Variants in SIDT2 observed in about 807,000 individuals in gnomAD.
SIDT2 encodes SID1 transmembrane family member 2.
A neutral mutation model predicts 114.4 loss-of-function variants in SIDT2; 68 were observed. The observed-to-expected ratio is 0.59, with a 90% CI of 0.49 to 0.73. SIDT2 has a LOEUF of 0.73. SIDT2 is among the 30% of genes least tolerant of loss of function. The pLI, the probability that SIDT2 is intolerant of heterozygous loss-of-function variation, is 0.00. For missense variants in SIDT2, 918 were observed against 1,097.1 expected (o/e 0.84, Z 2.31); for synonymous variants, 470 against 438.4 (o/e 1.07, Z -0.90).
chr11:117,196,025 G>C lies in SIDT2; in HGVS notation c.2458G>C (p.Asp820His). ...CCAGGTGTTGCTGACACTGGATGAC[G>C]ACCTGGATACTGTGCAGCGGGACAA... Reference protein sequence around the residue: ...SFLVLLTLDDDLDTVQRDKIY... With the variant: ...SFLVLLTLDDHLDTVQRDKIY... Residue 820 changes from aspartate to histidine, a missense_variant, in exon 26 of 26, where the codon GAC (aspartate) becomes CAC (histidine). Coordinates refer to ENST00000324225, the MANE Select transcript of SIDT2 (RefSeq NM_001040455.2). This position sits in a 1 kb window ranked among gnomAD's most constrained non-coding sequence, Gnocchi z 4.9. 6.2e-7 allele frequency: 1 copy of C among 1,614,224 alleles called. No homozygotes were observed. The highest frequency in any genetic ancestry group is 8.5e-7 in the Non-Finnish European group (1 of 1,180,042).
rs2030643535 is a variant in SIDT2, at chr11:117,190,063, G to A, written c.1493+38G>A. 1 of 1,613,988 alleles carries A rather than the reference G, an allele frequency of 6.2e-7. No individual in the cohort carries two copies. The highest frequency in any genetic ancestry group is 1.7e-5 in the Admixed American group (1 of 60,004). ...CTGGGAGGCCCCTTGTCCAGGCCAA[G>A]GGTGAAATGGGGCAGGGCCTGGGGC... On this transcript the variant is annotated intron_variant, in intron 16 of 25. Coordinates refer to ENST00000324225, the MANE Select transcript of SIDT2 (RefSeq NM_001040455.2). This position sits in a 1 kb window ranked among gnomAD's most constrained non-coding sequence, Gnocchi z 4.1.
At position 117,190,258 on chromosome 11, in the gene SIDT2, G is replaced by C; in HGVS notation, c.1586G>C (p.Arg529Pro). The C allele has an allele frequency of 6.4e-7, 1 of 1,563,528 alleles. No homozygotes were observed. The highest frequency in any genetic ancestry group is 8.7e-7 in the Non-Finnish European group (1 of 1,155,824). The change falls in exon 17 of 26, where the codon CGG becomes CCG. Residue 529 changes from arginine (R) to proline (P), a missense_variant. Arg to Pro is a moderately radical substitution (Grantham distance 103). Transcript: ENST00000324225. This position sits in a 1 kb window ranked among gnomAD's most constrained non-coding sequence, Gnocchi z 4.1. Reference sequence around the variant, plus strand: ...CTGCAACGGGAGATCAACCACAACCGGGCCCTGCTGCGCAATGACCTCTGT... The same window carrying C: ...CTGCAACGGGAGATCAACCACAACCCGGCCCTGCTGCGCAATGACCTCTGT... ...IILQREINHN[R>P]ALLRNDLCAL...
intron 24 of SIDT2, chr11:117,194,214 C>G (rs923984650): frequency 2.5e-5 from 9 of 364,910 alleles, no homozygotes; most frequent in African/African-American, 1.9e-4. Context: ...ACCTCGGAAG[C>G]GGAGGCAAGA....
chr11:117,182,431 C>A, intron 4 of SIDT2, 88 bp from the exon 5 acceptor site: 1 of 1,205,382 alleles, frequency 8.3e-7, no homozygotes, highest in Non-Finnish European at 1.2e-6. Flanking sequence ...GATTCTGGGT[C>A]CTCGCTTATA....
chr11:117,196,043 C>T lies in SIDT2; in HGVS notation c.2476C>T (p.Arg826Trp), dbSNP rs775924034. ...GGATGACGACCTGGATACTGTGCAG[C>T]GGGACAAGATCTATGTCTTCTAGCA... is the stretch of plus-strand genomic sequence containing the variant. ...TLDDDLDTVQ[R>W]DKIYVF Residue 826 changes from arginine to tryptophan, a missense_variant, in exon 26 of 26, where the codon CGG (arginine) becomes TGG (tryptophan). This residue lies in a region of SIDT2 where 275 missense variants were observed against 397.6 expected (regional missense o/e 0.69). Coordinates refer to ENST00000324225, the MANE Select transcript of SIDT2 (RefSeq NM_001040455.2). This position sits in a 1 kb window ranked among gnomAD's most constrained non-coding sequence, Gnocchi z 4.9. The T allele has an allele frequency of 2.9e-5, 47 of 1,614,108 alleles. No homozygotes were observed. The highest frequency in any genetic ancestry group is 3.6e-5 in the Non-Finnish European group (42 of 1,180,054).
intron 8 of SIDT2, 84 bp downstream of exon 8, chr11:117,184,223 A>G: frequency 1.5e-6 from 2 of 1,366,444 alleles, no homozygotes; most frequent in African/African-American, 2.9e-5. Flanking sequence ...TGTGCCCTGA[A>G]GTGGGTGATG....
Position 117,190,397 on chromosome 11 carries a change from T to C in SIDT2, c.1617+108T>C. ...GGCCTGGCCCTGCCTTCCCCAGCTC[T>C]CCCCTCCCCAGTTCTGTCTGGCCCA... On this transcript the variant is annotated intron_variant, in intron 17 of 25. Transcript: ENST00000324225. This position sits in a 1 kb window ranked among gnomAD's most constrained non-coding sequence, Gnocchi z 4.1. The C allele has an allele frequency of 6.8e-7, 1 of 1,476,912 alleles. No homozygotes were observed. The highest frequency in any genetic ancestry group is 9.0e-7 in the Non-Finnish European group (1 of 1,111,586). 91.5% of individuals were successfully genotyped at this position (1,476,912 alleles called of 1,614,324 possible).
chr11:117,182,800 C>T lies in SIDT2; in HGVS notation c.696C>T (p.Thr232=), dbSNP rs367625170. Residue 232 remains threonine, a synonymous_variant, in exon 6 of 26, where the codon ACC becomes ACT. Transcript: ENST00000324225. ...YQTMTKKAAI[T]VQRKDFPSNS... is the part of the protein sequence containing the mutation. ...CGATGACCAAGAAGGCGGCCATCAC[C>T]GTACAGGTAGGAAATGCATGTGGCC... The T allele has an allele frequency of 1.7e-5, 27 of 1,613,652 alleles. No individual in the cohort carries two copies. Among genetic ancestry groups the T allele is most frequent in the South Asian group, 3.3e-5 (3 of 90,978 alleles).
chr11:117,193,004 TTCTC>T, intron 22 of SIDT2, 138 bp downstream of exon 22: 1 of 1,349,696 alleles, frequency 7.4e-7, no homozygotes, highest in Non-Finnish European at 1.1e-6. Context: ...TTGGCCTCTC[TTCTC>T]TCTCTTGGCA....
chr11:117,186,547 G>T, intron 9 of SIDT2, 37 bp from the exon 10 acceptor site: 1 of 1,532,976 alleles, frequency 6.5e-7, no homozygotes, highest in Non-Finnish European at 8.7e-7. Flanking sequence ...TCCTTGTCCT[G>T]TCCCATCTGG....
rs373040766 is a variant in SIDT2 at position 117,191,958 on chromosome 11, G to A, written c.1816G>A (p.Ala606Thr). ...QKRHPDINAS[A>T]YSAYACLAIV... The stretch of plus-strand genomic sequence containing the variant: ...GCGGCACCCGGACATCAACGCCAGC[G>A]CCTACAGTGCCTACGCCTGCCTGGC... Residue 606 changes from alanine to threonine, a missense_variant, in exon 19 of 26, where the codon GCC becomes ACC. Transcript: ENST00000324225. 4.3e-6 allele frequency: 7 copies of A among 1,614,006 alleles called. No individual in the cohort carries two copies. Among genetic ancestry groups the A allele is most frequent in the South Asian group, 2.2e-5 (2 of 91,074 alleles).
chr11:117,181,663 G>A (rs2030290557), intron 2 of SIDT2, 126 bp downstream of exon 2: 16 of 1,570,630 alleles, frequency 1.0e-5, no homozygotes, highest in Non-Finnish European at 1.3e-5. Flanking sequence ...AACAGCACAA[G>A]GGCCGAGTCC....
Position 117,189,401 on chromosome 11 carries a change from G to A in SIDT2, c.1419G>A (p.Thr473=), listed in dbSNP as rs761675835. 3.7e-6 allele frequency: 6 copies of A among 1,613,896 alleles called. No individual in the cohort carries two copies. The highest frequency in any genetic ancestry group is 1.3e-5 in the African/African-American group (1 of 75,006). ...TGCAGCTGGTGATCACCTACCAGACGGTGAGAGGGCAGGGCAGGTTCACCT... is the reference window on the plus strand; with the variant it reads ...TGCAGCTGGTGATCACCTACCAGACAGTGAGAGGGCAGGGCAGGTTCACCT... ...PVVQLVITYQ[T]VVNVTGNQDI... Residue 473 remains threonine (T), a splice_region_variant and synonymous_variant, in exon 15 of 26, where the codon ACG becomes ACA. Coordinates refer to ENST00000324225, the MANE Select transcript of SIDT2 (RefSeq NM_001040455.2).
At position 117,186,585 on chromosome 11, in the gene SIDT2, C is replaced by T; in HGVS notation, c.964C>T (p.Gln322Ter). The T allele has an allele frequency of 6.4e-7, 1 of 1,562,808 alleles. No homozygotes were observed. Among genetic ancestry groups the T allele is most frequent in the Non-Finnish European group, 8.6e-7 (1 of 1,158,780 alleles). Residue 322 changes from glutamine (Q) to a stop codon, truncating the protein, a stop_gained and splice_region_variant, in exon 10 of 26, where the codon CAG becomes TAG. Transcript: ENST00000324225. LOFTEE classifies it high-confidence loss of function. ...VLLACWENWR[Q>*]KKKTLLVAID... ...GGCCTGTGGGTTCTGTCCATGCAGG[C>T]AGAAGAAGAAGACCCTGCTGGTGGC...
chr11:117,188,707 G>C lies in SIDT2; in HGVS notation c.1160-1G>C, dbSNP rs1591769526. Reference sequence around the variant, plus strand: ...AACCCCTCCCTCCCTGCCCTTTCCAGGCCGCTCCTTTGAACCTGTAGGTAC... The same window carrying C: ...AACCCCTCCCTCCCTGCCCTTTCCACGCCGCTCCTTTGAACCTGTAGGTAC... On this transcript the variant is annotated splice_acceptor_variant, in intron 12 of 25. Transcript: ENST00000324225. LOFTEE classifies it high-confidence loss of function. This position sits in a 1 kb window ranked among gnomAD's most constrained non-coding sequence, Gnocchi z 4.0. The C allele has an allele frequency of 6.2e-7, 1 of 1,613,714 alleles. No homozygotes were observed. The highest frequency in any genetic ancestry group is 8.5e-7 in the Non-Finnish European group (1 of 1,179,626).
At chr11:117,181,368 T>C (rs371374527) in intron 1 of SIDT2, 48 bp from the exon 2 acceptor site, 2 of 1,609,870 alleles carry the variant, frequency 1.2e-6, no homozygotes, top group Non-Finnish European at 1.7e-6. Flanking sequence ...TGGAGCCACG[T>C]GTCCCTGGTG....
At position 117,191,862 on chromosome 11, in the gene SIDT2, G is replaced by A. The variant is rs774878472; in HGVS notation, c.1736-16G>A. 63 of 1,612,190 alleles carry A rather than the reference G, an allele frequency of 3.9e-5. No individual in the cohort carries two copies. Among genetic ancestry groups the A allele is most frequent in the Non-Finnish European group, 5.3e-5 (62 of 1,178,804 alleles). ...GTGGCCATTTCTGCAGCTCCCTTCC[G>A]TGTCCCTCATCCTAGACACATCGTT... On this transcript the variant is annotated splice_polypyrimidine_tract_variant and intron_variant, in intron 18 of 25. Transcript: ENST00000324225.
At position 117,197,399 on chromosome 11, in the gene SIDT2, C is replaced by T. The variant is rs1479682275; in HGVS notation, c.*1333C>T. The T allele has an allele frequency of 2.0e-5, 3 of 152,620 alleles. No homozygotes were observed. Among genetic ancestry groups the T allele is most frequent in the Admixed American group, 6.6e-5 (1 of 15,266 alleles). 9.5% of individuals were successfully genotyped at this position (152,620 alleles called of 1,614,324 possible). A position where few individuals can be genotyped will look rare whatever the true frequency, so the allele number is the denominator to read the frequency against. ...CGTCTCCATGCTATGGTTGCATTTC[C>T]GTTTTCTATGAATGAATTTGCATTC... On this transcript the variant is annotated 3_prime_UTR_variant, in exon 26 of 26. Transcript: ENST00000324225.
chr11:117,182,881 C>A, intron 6 of SIDT2, 75 bp downstream of exon 6: 1 of 1,481,444 alleles, frequency 6.8e-7, no homozygotes. Context: ...TTGAGCTCTT[C>A]TTCCTCTGCC....
Sources: gnomAD v4.1 joint callset for allele counts on GRCh38, gnomAD v4.1.1 for gene constraint, gnomAD v4.1.1 regional missense constraint, Gnocchi (gnomAD v3.1) non-coding constraint, MANE v1.5 for transcripts, NCBI Gene and HGNC (gene_info 2026-07-23, HGNC 2026-07-21) for gene names.